Variants in MEAK7 observed in about 807,000 individuals in gnomAD.
MEAK7 encodes the protein MTOR associated protein MEAK7.
Under a neutral mutation model 40.5 loss-of-function variants are expected in MEAK7, and 68 were observed. The observed-to-expected ratio is 1.68, with a 90% CI of 1.38 to 2.06. The LOEUF is 2.06. MEAK7 is among the 30% of genes most tolerant of loss of function. The probability of loss-of-function intolerance (pLI) is 0.00; values close to 1 mark genes in which losing one functional copy is unlikely to be tolerated. For synonymous variants in MEAK7, 338 were observed against 231.9 expected (o/e 1.46, Z -4.16); for missense variants, 918 against 580.5 (o/e 1.58, Z -5.98).
intron 3 of MEAK7, among the ~76,000 whole-genome samples, chr16:84,493,600 T>C (rs942537915): frequency 6.6e-6 from 1 of 152,230 alleles, no homozygotes; most frequent in African/African-American, 2.4e-5. Context: ...AAATATACTC[T>C]AGTGAGCAAA....
rs377451756 is a variant in MEAK7, at chr16:84,482,575, G to A, written c.1077+17C>T. 1.5e-5 allele frequency: 25 copies of A among 1,614,006 alleles called. No homozygotes were observed. The African/African-American group carries it at 2.0e-4, about 13-fold the overall frequency. On this transcript the variant is annotated intron_variant, in intron 6 of 7. Coordinates refer to ENST00000343629, the MANE Select transcript of MEAK7 (RefSeq NM_020947.4). ...GACATCACCAAGGCAAGACCACCAC[G>A]CTCTGCCCGGGCTCACCAGTCCGTT... is the stretch of plus-strand genomic sequence containing the variant.
chr16:84,487,031 C>A lies in MEAK7; in HGVS notation c.558G>T (p.Trp186Cys). ...CAGCTCGGTCACAGTCATAGTCCAG[C>A]CACTGGGGCCCCAGAAGTCTCTTGC... ...QDGKRLLGPQ[W>C]LDYDCDRAVI... The change falls in exon 5 of 8, where the codon TGG (tryptophan) becomes TGT (cysteine). Residue 186 changes from tryptophan (W) to cysteine (C), a missense_variant. Trp to Cys is a radical substitution (Grantham distance 215, BLOSUM62 -2). Coordinates refer to ENST00000343629, the MANE Select transcript of MEAK7 (RefSeq NM_020947.4). The A allele has an allele frequency of 1.2e-6, 2 of 1,612,922 alleles. No homozygotes were observed. Among genetic ancestry groups the A allele is most frequent in the South Asian group, 1.1e-5 (1 of 90,842 alleles).
rs1333063038 is a variant in MEAK7 at position 84,492,631 on chromosome 16, G to C, written c.384+3052C>G. Among the ~76,000 whole-genome samples the C allele has an allele frequency of 2.0e-5, 3 of 146,618 alleles. No individual in the cohort carries two copies. The East Asian group carries it at 6.0e-4, about 29-fold the overall frequency. ...AAGTCTGACTCTGTCACCCAGGCTA[G>C]AGTGCAGTGGCACAATCTTGGCTCA... On this transcript the variant is annotated intron_variant, in intron 3 of 7. Coordinates refer to ENST00000343629, the MANE Select transcript of MEAK7 (RefSeq NM_020947.4).
chr16:84,503,972 G>A (rs1914695754), intron 1 of MEAK7: 2 of 985,522 alleles, frequency 2.0e-6, no homozygotes, highest in East Asian at 1.1e-4. Context: ...ACAAGCTGGG[G>A]AGATTCCAAC....
Position 84,477,066 on chromosome 16 carries a change from A to AT in MEAK7, c.*2846dup, listed in dbSNP as rs373452123. On this transcript the variant is annotated 3_prime_UTR_variant, in exon 8 of 8. Transcript: ENST00000343629. ...GTTACCATGCCTGGTTAATTTTCGT[A>AT]TTTTTTTTTGTAGAGATGGGTTTTC... 1,518 of 150,370 alleles carry AT rather than the reference A, an allele frequency of 0.01. 12 individuals are homozygous for AT. Among genetic ancestry groups the AT allele is most frequent in the African/African-American group, 0.017 (705 of 40,922 alleles). 9.3% of individuals were successfully genotyped at this position (150,370 alleles called of 1,614,324 possible).
At chr16:84,502,246 G>A (rs1457662868) in intron 1 of MEAK7, among the ~76,000 whole-genome samples, 6 of 152,166 alleles carry the variant, frequency 3.9e-5, no homozygotes, top group African/African-American at 9.6e-5. Context: ...TCCCCCAGGG[G>A]CATTTGGCAA....
In MEAK7 at chr16:84,480,029, TGAGAA is replaced by T; in HGVS notation, c.1258-8_1258-4del. The T allele has an allele frequency of 6.3e-7, 1 of 1,589,312 alleles. No individual in the cohort carries two copies. Among genetic ancestry groups the T allele is most frequent in the Non-Finnish European group, 8.6e-7 (1 of 1,163,492 alleles). On this transcript the variant is annotated splice_region_variant and splice_polypyrimidine_tract_variant and intron_variant, in intron 7 of 7. Coordinates refer to ENST00000343629, the MANE Select transcript of MEAK7 (RefSeq NM_020947.4). ...AGGATGCTCTTGTTGCCCTTGGCCT[TGAGAA>T]GAGAAGAAAGGGTGGGTGTGTTCCA...
chr16:84,503,300 G>C (rs1395054050), intron 1 of MEAK7, among the ~76,000 whole-genome samples: 1 of 152,210 alleles, frequency 6.6e-6, no homozygotes, highest in Non-Finnish European at 1.5e-5. Context: ...CGGGTTGGAC[G>C]AGCTTGCCCT....
chr16:84,482,569 C>T (rs757664994), intron 6 of MEAK7, 23 bp downstream of exon 6: 125 of 1,613,844 alleles, frequency 7.7e-5, no homozygotes, highest in South Asian at 2.0e-4. Context: ...AAGGCAAGAC[C>T]ACCACGCTCT....
chr16:84,496,538 G>A (rs143916686), intron 2 of MEAK7, among the ~76,000 whole-genome samples: 14 of 152,170 alleles, frequency 9.2e-5, no homozygotes, highest in Non-Finnish European at 1.5e-4. Context: ...TATCTAAACT[G>A]GCATAAGGAC....
chr16:84,491,215 G>A (rs1377461112), intron 3 of MEAK7, among the ~76,000 whole-genome samples: 1 of 152,162 alleles, frequency 6.6e-6, no homozygotes. Flanking sequence ...CAAGGCGAGT[G>A]GATTACTTGA....
chr16:84,503,904 C>G (rs956958171), intron 1 of MEAK7: 6 of 983,804 alleles, frequency 6.1e-6, no homozygotes, highest in Non-Finnish European at 7.2e-6. Flanking sequence ...CAAGCTCCAA[C>G]TCTCTACTCC....
intron 4 of MEAK7, among the ~76,000 whole-genome samples, chr16:84,488,788 G>C (rs1913311817): frequency 6.6e-6 from 1 of 152,180 alleles, no homozygotes; most frequent in African/African-American, 2.4e-5. Context: ...ATGCAGCGAA[G>C]GCAGTGCTGA....
intron 5 of MEAK7, 62 bp from the exon 6 acceptor site, chr16:84,482,772 G>A (rs1912691858): frequency 1.3e-6 from 2 of 1,599,872 alleles, no homozygotes; most frequent in East Asian, 2.3e-5. Context: ...CACAGGGCCG[G>A]AAATGCCGGT....
intron 3 of MEAK7, among the ~76,000 whole-genome samples, chr16:84,491,567 G>A (rs145382300): frequency 1.9e-3 from 279 of 147,916 alleles, no homozygotes; most frequent in East Asian, 5.2e-3. Context: ...GTCTGGGCAC[G>A]GTGACTCACG....
chr16:84,487,499 T>G, intron 4 of MEAK7: 1 of 161,340 alleles, frequency 6.2e-6, no homozygotes, highest in Admixed American at 5.8e-5. Flanking sequence ...GCCCTGGCAA[T>G]GGGGCTGGAA....
At chr16:84,486,275 G>C (rs998663734) in intron 5 of MEAK7, 2 of 236,892 alleles carry the variant, frequency 8.4e-6, no homozygotes, top group Admixed American at 5.7e-5. Context: ...GGCGGTGGGG[G>C]CAGGGGCAGG....
At chr16:84,495,581 T>C in intron 3 of MEAK7, 102 bp downstream of exon 3, 2 of 1,068,790 alleles carry the variant, frequency 1.9e-6, no homozygotes, top group Non-Finnish European at 2.8e-6. Context: ...TCAAATACTT[T>C]TTGGTTTACT....
At position 84,495,055 on chromosome 16, in the gene MEAK7, G is replaced by A. The variant is rs568465103; in HGVS notation, c.384+628C>T. On this transcript the variant is annotated intron_variant, in intron 3 of 7. Coordinates refer to ENST00000343629, the MANE Select transcript of MEAK7 (RefSeq NM_020947.4). The stretch of plus-strand genomic sequence containing the variant: ...AGGCCAAGGCAGGCGGACCACCTAA[G>A]CTCAGGAGTTGGAGACCAGCCTGGC... 2.2e-4 allele frequency among the ~76,000 whole-genome samples: 34 copies of A among 152,274 alleles called. 1 individual carries two copies. In the South Asian group the frequency reaches 6.0e-3, roughly 27 times the overall value.
Sources: allele counts gnomAD v4.1 joint callset (sites outside exome capture counted in the v4.1 genomes callset), GRCh38; gene constraint gnomAD v4.1.1; transcripts MANE v1.5; gene names NCBI Gene and HGNC (gene_info 2026-07-23, HGNC 2026-07-21).